RGS5: variants seen among roughly 807,000 people sequenced by gnomAD.
RGS5 encodes regulator of G protein signaling 5.
A neutral mutation model predicts 18.9 loss-of-function variants in RGS5; 20 were observed. The ratio of observed to expected loss-of-function variants is 1.06; its 90% CI spans 0.74 to 1.54. The LOEUF is 1.54. Ranked by LOEUF, RGS5 falls within the 40% of genes most tolerant of loss-of-function variation. The probability of loss-of-function intolerance (pLI) is 0.00; values close to 1 mark genes in which losing one functional copy is unlikely to be tolerated. For synonymous variants in RGS5, 57 were observed against 76.2 expected (o/e 0.75, Z 1.31); for missense variants, 201 against 211.8 (o/e 0.95, Z 0.32).
chr1:163,288,234 T>C (rs1649194230), intron 2 of RGS5, among the ~76,000 whole-genome samples: 1 of 152,172 alleles, frequency 6.6e-6, no homozygotes. Context: ...AATAATTCTC[T>C]ATTGTATTTA....
intron 2 of RGS5, among the ~76,000 whole-genome samples, chr1:163,285,825 C>T (rs1649129300): frequency 6.6e-6 from 1 of 152,024 alleles, no homozygotes; most frequent in Non-Finnish European, 1.5e-5. Flanking sequence ...ACCGTGCCTA[C>T]TTCCCCTTTG....
intron 1 of RGS5, chr1:163,212,458 A>G (rs571501919): frequency 3.9e-5 from 6 of 152,380 alleles, no homozygotes; most frequent in East Asian, 3.9e-4. Flanking sequence ...AAGGCTCTTC[A>G]AGGTGGACAA....
chr1:163,300,979 G>C (rs776132404), intron 2 of RGS5, among the ~76,000 whole-genome samples: 3 of 152,122 alleles, frequency 2.0e-5, no homozygotes, highest in Non-Finnish European at 4.4e-5. Flanking sequence ...GCCTGGTATG[G>C]GAAGACAAGG....
chr1:163,151,610 C>T (rs1310662208), intron 4 of RGS5, among the ~76,000 whole-genome samples: 1 of 152,166 alleles, frequency 6.6e-6, no homozygotes, highest in Admixed American at 6.5e-5. Context: ...CTCACGAGAT[C>T]TGATGGTTTT....
chr1:163,171,447 A>C (rs1398790327), intron 1 of RGS5, among the ~76,000 whole-genome samples: 1 of 152,146 alleles, frequency 6.6e-6, no homozygotes, highest in African/African-American at 2.4e-5. Flanking sequence ...TTTCAGTTTC[A>C]ACCTTGACAC....
chr1:163,152,514 G>T, intron 4 of RGS5, 36 bp downstream of exon 4: 1 of 1,565,526 alleles, frequency 6.4e-7, no homozygotes, highest in Non-Finnish European at 8.6e-7. Context: ...GAGCTAATGA[G>T]CTGCCCTTAA....
At chr1:163,234,232 C>T (rs1376796802) in intron 2 of RGS5, among the ~76,000 whole-genome samples, 1 of 152,162 alleles carries the variant, frequency 6.6e-6, no homozygotes, top group Non-Finnish European at 1.5e-5. Context: ...AAATTCCTCT[C>T]TATTTCTATT....
At chr1:163,229,780 C>T (rs1302679549) in intron 2 of RGS5, among the ~76,000 whole-genome samples, 1 of 152,208 alleles carries the variant, frequency 6.6e-6, no homozygotes, top group Non-Finnish European at 1.5e-5. Context: ...AATTTCAACA[C>T]ATACACAATA....
chr1:163,302,042 T>G lies in RGS5; in HGVS notation c.-281+4191A>C, dbSNP rs924813672. On this transcript the variant is annotated intron_variant, in intron 2 of 5. Transcript: ENST00000618415. The stretch of plus-strand genomic sequence containing the variant: ...GTTCAGATAGATATGCTGTTTTTTA[T>G]TTTAAGAAAAAGTTTTTTTCATATA... Among the ~76,000 whole-genome samples the G allele has an allele frequency of 2.6e-5, 4 of 151,888 alleles. No individual in the cohort carries two copies. The East Asian group carries it at 7.7e-4, about 29-fold the overall frequency.
upstream of RGS5, among the ~76,000 whole-genome samples, chr1:163,203,785 C>T (rs183579240): frequency 6.6e-6 from 1 of 152,252 alleles, no homozygotes; most frequent in East Asian, 1.9e-4. Flanking sequence ...CTTGCCTAGG[C>T]TTGTCTTTCC....
chr1:163,251,851 T>C (rs930216196), intron 2 of RGS5, among the ~76,000 whole-genome samples: 1 of 152,186 alleles, frequency 6.6e-6, no homozygotes, highest in African/African-American at 2.4e-5. Context: ...GTATCGATTG[T>C]TGACTCATTT....
intron 2 of RGS5, chr1:163,238,498 T>C (rs1647691328): frequency 6.5e-6 from 1 of 153,794 alleles, no homozygotes; most frequent in South Asian, 2.1e-4. Flanking sequence ...TTAGCACAGT[T>C]TGAACTTTCC....
At chr1:163,171,812 T>A (rs1019896161) in intron 1 of RGS5, among the ~76,000 whole-genome samples, 5 of 152,208 alleles carry the variant, frequency 3.3e-5, no homozygotes, top group African/African-American at 1.2e-4. Flanking sequence ...CAAACACCAT[T>A]AGGTTTGCTC....
intron 2 of RGS5, among the ~76,000 whole-genome samples, chr1:163,302,476 AT>A (rs1349601674): frequency 6.6e-6 from 1 of 152,118 alleles, no homozygotes; most frequent in Non-Finnish European, 1.5e-5. Context: ...CTTGGAAGTG[AT>A]TTGTTTGGGA....
chr1:163,246,631 G>C (rs1647950614), intron 2 of RGS5, among the ~76,000 whole-genome samples: 1 of 151,956 alleles, frequency 6.6e-6, no homozygotes, highest in East Asian at 1.9e-4. Context: ...CAATACCCAA[G>C]CACTTTACTA....
At chr1:163,318,064 G>A (rs1000662882) in intron 1 of RGS5, among the ~76,000 whole-genome samples, 2 of 152,134 alleles carry the variant, frequency 1.3e-5, no homozygotes, top group Non-Finnish European at 2.9e-5. Context: ...ACAAGGAAAG[G>A]CTTCTTGCAA....
intron 2 of RGS5, among the ~76,000 whole-genome samples, chr1:163,296,387 A>T (rs1351192457): frequency 6.6e-6 from 1 of 152,160 alleles, no homozygotes; most frequent in African/African-American, 2.4e-5. Flanking sequence ...TAAAACTAAC[A>T]TTTCAAATTT....
Position 163,168,383 on chromosome 1 carries a change from A to G in RGS5, c.45-15T>C, listed in dbSNP as rs761564785. The G allele has an allele frequency of 6.3e-7, 1 of 1,588,998 alleles. No individual in the cohort carries two copies. The highest frequency in any genetic ancestry group is 2.2e-5 in the East Asian group (1 of 44,716). On this transcript the variant is annotated splice_polypyrimidine_tract_variant and intron_variant, in intron 1 of 4. Transcript: ENST00000313961. ...TCTCCTTGGCCCTGAAAGAAGAGAC[A>G]CAAGGGGAAATGAGGACACCACATG... is the stretch of plus-strand genomic sequence containing the variant.
At chr1:163,272,251 T>C (rs1157582686) in intron 2 of RGS5, among the ~76,000 whole-genome samples, 2 of 151,902 alleles carry the variant, frequency 1.3e-5, no homozygotes, top group South Asian at 2.1e-4. Context: ...TTTGCCTATG[T>C]TTTAGATTGT....
Sources: gnomAD v4.1 joint callset for allele counts (sites outside exome capture counted in the v4.1 genomes callset) on GRCh38, gnomAD v4.1.1 for gene constraint, MANE v1.5 for transcripts, NCBI Gene and HGNC (gene_info 2026-07-23, HGNC 2026-07-21) for gene names.